The following FLT4 variants were observed in gnomAD, a reference collection of about 807,000 sequenced individuals.
FLT4 encodes vascular endothelial growth factor receptor 3.
Under a neutral mutation model 163.2 loss-of-function variants are expected in FLT4, and 30 were observed. That is an observed-to-expected ratio of 0.18 (90% confidence interval 0.14 to 0.25). The LOEUF (loss-of-function observed/expected upper bound fraction) is 0.25. Ranked by LOEUF, FLT4 falls within the 10% of genes least tolerant of loss-of-function variation. FLT4 has a pLI of 1.00. For missense variants in FLT4, 1,510 were observed against 1,863.8 expected, an observed-to-expected ratio of 0.81 and a Z score of 3.50; for synonymous variants, 884 against 789.5, an observed-to-expected ratio of 1.12 and a Z score of -2.01.
At chr5:180,622,261 C>CG (rs1763212747) in intron 12 of FLT4, among the ~76,000 whole-genome samples, 2 of 125,030 alleles carry the variant, frequency 1.6e-5, no homozygotes, top group Non-Finnish European at 3.5e-5. Flanking sequence ...TTTTGGGCTC[C>CG]ATCTCTCTGC....
intron 17 of FLT4, among the ~76,000 whole-genome samples, 182 bp downstream of exon 17, chr5:180,619,991 T>C (rs527660349): frequency 2.0e-5 from 3 of 152,126 alleles, no homozygotes; most frequent in Non-Finnish European, 4.4e-5. Context: ...GCAGGTGACC[T>C]CAGGGAGCCT....
intron 28 of FLT4, 99 bp from the exon 29 acceptor site, chr5:180,609,152 G>T: frequency 2.1e-6 from 2 of 962,686 alleles, no homozygotes; most frequent in Non-Finnish European, 3.4e-6. Flanking sequence ...CCTGCAGCGC[G>T]GCTGACCTAA....
At position 180,620,818 on chromosome 5, in the gene FLT4, C is replaced by A. The variant is rs1448493384; in HGVS notation, c.2299+58G>T. Reference sequence around the variant, plus strand: ...GGCCACGACTTGCCCAAGGTGGCCACAAGAAAGCGTTAACTGGGGACGGGA... The same window carrying A: ...GGCCACGACTTGCCCAAGGTGGCCAAAAGAAAGCGTTAACTGGGGACGGGA... On this transcript the variant is annotated intron_variant, in intron 15 of 29. Transcript: ENST00000261937. This position sits in a 1 kb window ranked among gnomAD's most constrained non-coding sequence, Gnocchi z 4.4. The A allele has an allele frequency of 6.2e-7, 1 of 1,609,146 alleles. No individual in the cohort carries two copies. Among genetic ancestry groups the A allele is most frequent in the East Asian group, 2.2e-5 (1 of 44,766 alleles).
At chr5:180,631,115 G>A (rs1402070667) in intron 2 of FLT4, among the ~76,000 whole-genome samples, 10 of 152,086 alleles carry the variant, frequency 6.6e-5, no homozygotes, top group Admixed American at 6.6e-4. Flanking sequence ...TGACCTGGGA[G>A]GTGGCCTGGG....
rs761513841 is a variant in FLT4 at position 180,611,333 on chromosome 5, G to T, written c.3684C>A (p.Ala1228=). 9 of 1,613,760 alleles carry T rather than the reference G, an allele frequency of 5.6e-6. No individual in the cohort carries two copies. The Admixed American group carries it at 1.5e-4, about 27-fold the overall frequency. The change falls in exon 27 of 30, where the codon GCC becomes GCA. Residue 1228 remains alanine (A), a splice_region_variant and synonymous_variant. Coordinates refer to ENST00000261937, the MANE Select transcript of FLT4 (RefSeq NM_182925.5). The part of the protein sequence containing the change: ...PPSLQRHSLA[A]RYYNWVSFPG... ...CCTGGACCTGCAGGACAGCTGACCT[G>T]GCGGCCAGGCTGTGGCGCTGCAGGC...
Position 180,629,589 on chromosome 5 carries a change from T to C in FLT4, c.816+107A>G, listed in dbSNP as rs2127834954. The C allele has an allele frequency of 2.7e-6, 4 of 1,483,640 alleles. No homozygotes were observed. In the South Asian group the frequency reaches 4.7e-5, roughly 18 times the overall value. 91.9% of individuals were successfully genotyped at this position (1,483,640 alleles called of 1,614,324 possible). A position where few individuals can be genotyped will look rare whatever the true frequency, so the allele number is the denominator to read the frequency against. ...CACTTGCCACTCAGACCGGGGCCCC[T>C]GGGGCAGGCCTGGGCCCACACATCC... On this transcript the variant is annotated intron_variant, in intron 6 of 29. Transcript: ENST00000261937.
intron 23 of FLT4, 150 bp downstream of exon 23, chr5:180,616,217 G>A: frequency 1.8e-6 from 2 of 1,105,132 alleles, no homozygotes; most frequent in Non-Finnish European, 2.7e-6. Context: ...CTGGGGGCAG[G>A]AGGTCCACCA....
chr5:180,611,953 CCTT>C (rs1210120424), intron 26 of FLT4, among the ~76,000 whole-genome samples: 5 of 152,176 alleles, frequency 3.3e-5, no homozygotes, highest in Admixed American at 1.3e-4. Flanking sequence ...GCACTCCCTA[CCTT>C]CTTCTTTGGA....
rs73812624 is a variant in FLT4 at position 180,622,935 on chromosome 5, C to T, written c.1549-96G>A. ...AGGAGGTCGCTGTGCACCACCCCCCCCAATCATGGGGGAAACTGAGGCTTT... is the reference window on the plus strand; with the variant it reads ...AGGAGGTCGCTGTGCACCACCCCCCTCAATCATGGGGGAAACTGAGGCTTT... On this transcript the variant is annotated intron_variant, in intron 11 of 29. Transcript: ENST00000261937. The T allele has an allele frequency of 1.5e-4, 117 of 787,676 alleles. 1 individual carries two copies. The African/African-American group carries it at 1.9e-3, about 13-fold the overall frequency. The allele number at this position is 787,676 out of a possible 1,614,324, so 48.8% of individuals were successfully genotyped here. A position where few individuals can be genotyped will look rare whatever the true frequency, so the allele number is the denominator to read the frequency against.
rs751070179 is a variant in FLT4 at position 180,620,894 on chromosome 5, C to A, written c.2281G>T (p.Ala761Ser). 4 of 1,609,638 alleles carry A rather than the reference C, an allele frequency of 2.5e-6. No homozygotes were observed. The highest frequency in any genetic ancestry group is 1.3e-5 in the African/African-American group (1 of 74,880). The change falls in exon 15 of 30, where the codon GCC becomes TCC. Residue 761 changes from alanine to serine, a missense_variant. Ala to Ser is a moderately conservative substitution (Grantham distance 99). Around this residue, in one of 5 missense-constraint regions of FLT4, gnomAD observed 878 missense variants for 1,016.7 expected, o/e 0.86. Coordinates refer to ENST00000261937, the MANE Select transcript of FLT4 (RefSeq NM_182925.5). The surrounding 1 kb of genome is among the most constrained non-coding windows in gnomAD (Gnocchi z 4.4). ...CNAKGCVNSSASVAVEGSEDK... is the reference protein window; with the variant it reads ...CNAKGCVNSSSSVAVEGSEDK... ...GCCAGACCTTCCACGGCCACGCTGG[C>A]GGAGGAGTTGACGCAGCCCTTGGCG...
At position 180,601,733 on chromosome 5, in the gene FLT4, C is replaced by T. The variant is rs141679676; in HGVS notation, c.*1459G>A. Reference sequence around the variant, plus strand: ...AGGGAAGCCTGACACGCCAGTCCCACGTTGGACGACGTGCAGAGGAAGGGG... The same window carrying T: ...AGGGAAGCCTGACACGCCAGTCCCATGTTGGACGACGTGCAGAGGAAGGGG... On this transcript the variant is annotated 3_prime_UTR_variant, in exon 30 of 30. Coordinates refer to ENST00000261937, the MANE Select transcript of FLT4 (RefSeq NM_182925.5). The T allele has an allele frequency of 7.3e-4, 171 of 233,002 alleles. 1 individual carries two copies. The East Asian group carries it at 9.1e-3, about 12-fold the overall frequency. The allele number at this position is 233,002 out of a possible 1,614,324, so 14.4% of individuals were successfully genotyped here.
rs201607334 is a variant in FLT4 at position 180,622,925 on chromosome 5, A to ACC, written c.1549-88_1549-87dup. The ACC allele has an allele frequency of 9.4e-3, 5,384 of 574,256 alleles. 21 individuals are homozygous for ACC. Among genetic ancestry groups the ACC allele is most frequent in the Non-Finnish European group, 0.012 (3,972 of 341,028 alleles). The allele number at this position is 574,256 out of a possible 1,614,324, so 35.6% of individuals were successfully genotyped here. On this transcript the variant is annotated intron_variant, in intron 11 of 29. Transcript: ENST00000261937. ...TCTTTCTGCAAGGAGGTCGCTGTGCACCACCCCCCCCAATCATGGGGGAAA... is the reference window on the plus strand; with the variant it reads ...TCTTTCTGCAAGGAGGTCGCTGTGCACCCCACCCCCCCCAATCATGGGGGAAA...
In FLT4 at chr5:180,616,439, G is replaced by A. The variant is rs56127961; in HGVS notation, c.3147C>T (p.Asp1049=). The change falls in exon 23 of 30, where the codon GAC becomes GAT. Residue 1049 remains aspartate (D), a synonymous_variant. Transcript: ENST00000261937. ...AARNILLSES[D]VVKICDFGLA... ...GGCCAAAGTCACAGATCTTCACCAC[G>A]TCGCTTTCCGACAGCAGAATGTTCC... 2.5e-3 allele frequency: 4,051 copies of A among 1,613,954 alleles called. 107 individuals carry two copies. The African/African-American group carries it at 0.047, about 19-fold the overall frequency.
Position 180,630,915 on chromosome 5 carries a change from G to A in FLT4, c.156-116C>T. On this transcript the variant is annotated intron_variant, in intron 2 of 29. Transcript: ENST00000261937. This position sits in a 1 kb window ranked among gnomAD's most constrained non-coding sequence, Gnocchi z 6.3. ...TTTGTCTTACCCAGAGCATGGAACTGCCCAGGGTTTGGGCGCACACTACAG... is the reference window on the plus strand; with the variant it reads ...TTTGTCTTACCCAGAGCATGGAACTACCCAGGGTTTGGGCGCACACTACAG... 12 of 1,301,204 alleles carry A rather than the reference G, an allele frequency of 9.2e-6. No homozygotes were observed. Among genetic ancestry groups the A allele is most frequent in the Non-Finnish European group, 1.2e-5 (12 of 966,402 alleles). The allele number at this position is 1,301,204 out of a possible 1,614,324, so 80.6% of individuals were successfully genotyped here.
rs1561712111 is a variant in FLT4 at position 180,619,108 on chromosome 5, G to A, written c.2763C>T (p.Gly921=). Residue 921 remains glycine (G), a splice_region_variant and synonymous_variant, in exon 20 of 30, where the codon GGC becomes GGT. Coordinates refer to ENST00000261937, the MANE Select transcript of FLT4 (RefSeq NM_182925.5). ...AGAACTCCACGATCACCATGAGGGG[G>A]CCTGCGGCGGGACCGGGCGGCGGCC... ...NLLGACTKPQ[G]PLMVIVEFCK... 1 of 1,525,280 alleles carries A rather than the reference G, an allele frequency of 6.6e-7. No homozygotes were observed. Among genetic ancestry groups the A allele is most frequent in the Non-Finnish European group, 8.8e-7 (1 of 1,137,828 alleles). The allele number at this position is 1,525,280 out of a possible 1,614,324, so 94.5% of individuals were successfully genotyped here.
In FLT4 at chr5:180,614,087, G is replaced by C; in HGVS notation, c.3312C>G (p.Leu1104=). 1 of 1,613,386 alleles carries C rather than the reference G, an allele frequency of 6.2e-7. No homozygotes were observed. Among genetic ancestry groups the C allele is most frequent in the South Asian group, 1.1e-5 (1 of 91,058 alleles). The change falls in exon 24 of 30, where the codon CTC becomes CTG. Residue 1104 remains leucine (L), a synonymous_variant. Coordinates refer to ENST00000261937, the MANE Select transcript of FLT4 (RefSeq NM_182925.5). The stretch of plus-strand genomic sequence containing the variant: ...ACTCACCCAGAGAGAAGATCTCCCA[G>C]AGAAGCACCCCAAAGGACCACACGT... ...QSDVWSFGVL[L]WEIFSLGASP...
chr5:180,629,340 G>T lies in FLT4; in HGVS notation c.904C>A (p.Gln302Lys), dbSNP rs1263338527. The T allele has an allele frequency of 6.2e-7, 1 of 1,613,140 alleles. No homozygotes were observed. The highest frequency in any genetic ancestry group is 8.5e-7 in the Non-Finnish European group (1 of 1,180,018). The stretch of plus-strand genomic sequence containing the variant: ...CACACATACGAGCCCAGGTCGTGCT[G>T]GCTGACGTTGTGGATGGTCAGGATG... ...SSILTIHNVSQHDLGSYVCKA... is the reference protein window; with the variant it reads ...SSILTIHNVSKHDLGSYVCKA... Residue 302 changes from glutamine to lysine, a missense_variant, in exon 7 of 30, where the codon CAG becomes AAG. Gln to Lys is a moderately conservative substitution (Grantham distance 53). Transcript: ENST00000261937.
At chr5:180,603,430 G>A in intron 29 of FLT4, 40 bp from the exon 30 acceptor site, 1 of 1,591,068 alleles carries the variant, frequency 6.3e-7, no homozygotes, top group Non-Finnish European at 8.6e-7. Flanking sequence ...AGAGAAGAAG[G>A]CTGGGTGGCG....
At position 180,643,839 on chromosome 5, in the gene FLT4, T is replaced by G. The variant is rs1370769846; in HGVS notation, c.58+5649A>C. 5.3e-5 allele frequency among the ~76,000 whole-genome samples: 8 copies of G among 151,990 alleles called. No homozygotes were observed. The East Asian group carries it at 1.5e-3, about 29-fold the overall frequency. ...ACTTTTAACAGGTTTTTTTTTTTTTTGAAGTGGAGTCTCGCCCTGTTGCCC... is the reference window on the plus strand; with the variant it reads ...ACTTTTAACAGGTTTTTTTTTTTTTGGAAGTGGAGTCTCGCCCTGTTGCCC... On this transcript the variant is annotated intron_variant, in intron 1 of 29. Coordinates refer to ENST00000261937, the MANE Select transcript of FLT4 (RefSeq NM_182925.5).
Sources: allele counts gnomAD v4.1 joint callset (sites outside exome capture counted in the v4.1 genomes callset), GRCh38; gene constraint gnomAD v4.1.1; regional missense constraint gnomAD v4.1.1; non-coding constraint Gnocchi (gnomAD v3.1); transcripts MANE v1.5; gene names NCBI Gene and HGNC (gene_info 2026-07-23, HGNC 2026-07-21).